CREB5: variants seen among roughly 807,000 people sequenced by gnomAD.
CREB5 encodes the protein cAMP responsive element binding protein 5.
In CREB5, 19 loss-of-function variants were observed where a neutral mutation model predicts 57.1. The ratio of observed to expected loss-of-function variants is 0.33; its 90% confidence interval spans 0.23 to 0.49. The LOEUF (loss-of-function observed/expected upper bound fraction) is 0.49. Ranked by LOEUF, CREB5 falls within the 20% of genes least tolerant of loss-of-function variation. CREB5 has a pLI of 0.99. For synonymous variants in CREB5, 238 were observed against 238.3 expected, an observed-to-expected ratio of 1.00 and a Z score of 0.01; for missense variants, 579 against 671.6, an observed-to-expected ratio of 0.86 and a Z score of 1.52.
chr7:28,810,325 A>G (rs2128805158), intron 9 of CREB5, among the ~76,000 whole-genome samples: 1 of 152,208 alleles, frequency 6.6e-6, no homozygotes, highest in Non-Finnish European at 1.5e-5. Context: ...CCAGAAGCTG[A>G]GAGAATGGCC....
In CREB5 at chr7:28,331,492, A is replaced by G. The variant is rs1043196537; in HGVS notation, c.-25+32051A>G. On this transcript the variant is annotated intron_variant, in intron 1 of 9. Transcript: ENST00000396299. ...GGAAGAGAATGCATGGTCTAATGGG[A>G]ACTACTACAGACGTGTGCAAATGAC... is the stretch of plus-strand genomic sequence containing the variant. Among the ~76,000 whole-genome samples the G allele has an allele frequency of 7.9e-5, 12 of 152,248 alleles. No individual in the cohort carries two copies. The East Asian group carries it at 2.3e-3, about 29-fold the overall frequency.
At chr7:28,773,071 A>T (rs1350010963) in intron 7 of CREB5, among the ~76,000 whole-genome samples, 1 of 152,194 alleles carries the variant, frequency 6.6e-6, no homozygotes, top group South Asian at 2.1e-4. Context: ...TATTTTCAAC[A>T]TGTAAATTCC....
At chr7:28,692,253 G>T (rs373373762) in intron 5 of CREB5, among the ~76,000 whole-genome samples, 73 of 151,340 alleles carry the variant, frequency 4.8e-4, no homozygotes, top group East Asian at 4.5e-3. Flanking sequence ...TTTTTGTTTG[G>T]TTTTTTGGGA....
chr7:28,788,364 C>T (rs1332630758), intron 7 of CREB5, among the ~76,000 whole-genome samples: 1 of 152,144 alleles, frequency 6.6e-6, no homozygotes, highest in Non-Finnish European at 1.5e-5. Flanking sequence ...CCAGGTTAGG[C>T]CAGGGTTAAC....
rs558378462 is a variant in CREB5, at chr7:28,529,403, C to G, written c.291+21666C>G. Among the ~76,000 whole-genome samples, 4 of 152,228 alleles carry G rather than the reference C, an allele frequency of 2.6e-5. No individual in the cohort carries two copies. The South Asian group carries it at 8.3e-4, about 32-fold the overall frequency. On this transcript the variant is annotated intron_variant, in intron 4 of 10. Transcript: ENST00000357727. ...CCAGGAAAGTAGGGAAGGAGTGAGA[C>G]GAGAGAAAGAAAATCACAGATGTCC...
At chr7:28,556,003 C>A (rs1794848638) in intron 4 of CREB5, among the ~76,000 whole-genome samples, 1 of 152,154 alleles carries the variant, frequency 6.6e-6, no homozygotes, top group South Asian at 2.1e-4. Context: ...AGTGGTTTTT[C>A]ACAGGAATGA....
chr7:28,647,913 C>G (rs1356655532), intron 5 of CREB5, among the ~76,000 whole-genome samples: 1 of 151,962 alleles, frequency 6.6e-6, no homozygotes, highest in African/African-American at 2.4e-5. Flanking sequence ...AGACCCCCAA[C>G]TCTACAAAAA....
intron 1 of CREB5, among the ~76,000 whole-genome samples, chr7:28,341,388 T>G (rs1462761136): frequency 1.3e-5 from 2 of 152,238 alleles, no homozygotes; most frequent in Non-Finnish European, 2.9e-5. Context: ...ATTATACCAG[T>G]CATTCACACC....
intron 1 of CREB5, among the ~76,000 whole-genome samples, chr7:28,314,048 G>A (rs1418747256): frequency 6.6e-6 from 1 of 152,158 alleles, no homozygotes; most frequent in African/African-American, 2.4e-5. Context: ...GAATTATTAA[G>A]GGCTGATTTT....
At chr7:28,669,178 G>A (rs1378678729) in intron 5 of CREB5, among the ~76,000 whole-genome samples, 1 of 152,162 alleles carries the variant, frequency 6.6e-6, no homozygotes. Flanking sequence ...GTAGATGTAG[G>A]GAAGATCAAG....
In CREB5 at chr7:28,819,481, A is replaced by G; in HGVS notation, c.*202A>G. 1 of 525,948 alleles carries G rather than the reference A, an allele frequency of 1.9e-6. No homozygotes were observed. The highest frequency in any genetic ancestry group is 3.2e-6 in the Non-Finnish European group (1 of 312,616). 32.6% of individuals were successfully genotyped at this position (525,948 alleles called of 1,614,324 possible). The stretch of plus-strand genomic sequence containing the variant: ...AAAGGGAGTTATGCAATTAATATCT[A>G]TCAGCTTGGGAAACGCTTTGGTGCT... On this transcript the variant is annotated 3_prime_UTR_variant, in exon 11 of 11. Coordinates refer to ENST00000357727, the MANE Select transcript of CREB5 (RefSeq NM_182898.4).
At chr7:28,580,347 A>T (rs1796068260) in intron 5 of CREB5, among the ~76,000 whole-genome samples, 1 of 151,078 alleles carries the variant, frequency 6.6e-6, no homozygotes, top group African/African-American at 2.4e-5. Flanking sequence ...AAGACTTTTA[A>T]CTAAAAGGAA....
At chr7:28,662,465 G>T (rs1219650385) in intron 5 of CREB5, among the ~76,000 whole-genome samples, 2 of 152,202 alleles carry the variant, frequency 1.3e-5, no homozygotes, top group African/African-American at 4.8e-5. Context: ...AAATGGCGGT[G>T]GTTAAACTTG....
intron 5 of CREB5, among the ~76,000 whole-genome samples, chr7:28,710,616 C>A (rs1263503851): frequency 6.6e-6 from 1 of 152,132 alleles, no homozygotes; most frequent in Non-Finnish European, 1.5e-5. Context: ...AGCAAGACCC[C>A]ATCTCTAAAA....
chr7:28,347,047 C>T (rs759573761), intron 1 of CREB5, among the ~76,000 whole-genome samples: 5 of 152,220 alleles, frequency 3.3e-5, no homozygotes, highest in Admixed American at 6.5e-5. Flanking sequence ...AACCCAATTG[C>T]TCTGTGAATA....
chr7:28,650,676 A>G (rs1799092054), intron 5 of CREB5, among the ~76,000 whole-genome samples: 1 of 152,218 alleles, frequency 6.6e-6, no homozygotes, highest in South Asian at 2.1e-4. Flanking sequence ...ATGATATAAA[A>G]TAAAGCTGAA....
At chr7:28,379,666 G>C (rs770507972) in intron 1 of CREB5, among the ~76,000 whole-genome samples, 2 of 152,182 alleles carry the variant, frequency 1.3e-5, no homozygotes, top group Non-Finnish European at 2.9e-5. Context: ...GAAAGGTTCA[G>C]ATTTAATTGG....
chr7:28,330,511 A>G (rs1006179840), intron 1 of CREB5, among the ~76,000 whole-genome samples: 2 of 146,844 alleles, frequency 1.4e-5, no homozygotes, highest in Admixed American at 7.0e-5. Context: ...AAATATTATT[A>G]ATGACAGATT....
At chr7:28,389,624 A>G (rs42694) in intron 1 of CREB5, among the ~76,000 whole-genome samples, 30,805 of 144,410 alleles carry the variant, frequency 0.21, 3,999 homozygotes, top group Non-Finnish European at 0.3. Context: ...ATTGCCAACT[A>G]TACTAAACTT....
Sources: gnomAD v4.1 joint callset for allele counts (sites outside exome capture counted in the v4.1 genomes callset) on GRCh38, gnomAD v4.1.1 for gene constraint, MANE v1.5 for transcripts, NCBI Gene and HGNC (gene_info 2026-07-23, HGNC 2026-07-21) for gene names.